The following HIC2 variants were observed in gnomAD, a reference collection of about 807,000 sequenced individuals.
HIC2 encodes the protein hypermethylated in cancer 2 protein.
Under a neutral mutation model 39.5 loss-of-function variants are expected in HIC2, and 2 were observed. That is an observed-to-expected ratio of 0.05 (90% CI 0.02 to 0.16). The LOEUF is 0.16. Ranked by LOEUF, HIC2 falls within the 10% of genes least tolerant of loss-of-function variation. The pLI is 1.00. For synonymous variants in HIC2, 399 were observed against 368.8 expected (o/e 1.08, Z -0.94); for missense variants, 713 against 863.5 (o/e 0.83, Z 2.18).
Position 21,446,359 on chromosome 22 carries a change from C to T in HIC2, c.1464C>T (p.Ala488=), listed in dbSNP as rs775908877. ...GCAGTGGGGGTGCCGAGGAGGAGGCCGAGGACCTGTCAGCACCCAGTGCGG... is the reference window on the plus strand; with the variant it reads ...GCAGTGGGGGTGCCGAGGAGGAGGCTGAGGACCTGTCAGCACCCAGTGCGG... ...ETGSGGAEEE[A]EDLSAPSAAY... The change falls in exon 3 of 3, where the codon GCC becomes GCT. Residue 488 remains alanine (A), a synonymous_variant. Coordinates refer to ENST00000407464, the MANE Select transcript of HIC2 (RefSeq NM_015094.3). 1.4e-5 allele frequency: 23 copies of T among 1,612,682 alleles called. No individual in the cohort carries two copies. The highest frequency in any genetic ancestry group is 1.6e-4 in the Middle Eastern group (1 of 6,080).
At chr22:21,431,879 G>A (rs1318375814) in intron 1 of HIC2, among the ~76,000 whole-genome samples, 5 of 61,822 alleles carry the variant, frequency 8.1e-5, no homozygotes, top group Non-Finnish European at 1.5e-4. Flanking sequence ...CTACTCAAAA[G>A]GCTGAGACGG....
rs753240162 is a variant in HIC2, at chr22:21,451,148, T to C, written c.*4405T>C. On this transcript the variant is annotated 3_prime_UTR_variant, in exon 3 of 3. Transcript: ENST00000407464. The stretch of plus-strand genomic sequence containing the variant: ...TACCTCGAAGGGGAGGGGGGAGGGA[T>C]GGGGTTATAGCTGTTTTGTTTAATT... 3 of 150,912 alleles carry C rather than the reference T, an allele frequency of 2.0e-5. No individual in the cohort carries two copies. Among genetic ancestry groups the C allele is most frequent in the African/African-American group, 4.9e-5 (2 of 41,142 alleles). The allele number at this position is 150,912 out of a possible 1,614,324, so 9.3% of individuals were successfully genotyped here.
chr22:21,426,066 TG>T (rs1367555035), intron 1 of HIC2, among the ~76,000 whole-genome samples: 7 of 152,118 alleles, frequency 4.6e-5, no homozygotes, highest in Non-Finnish European at 8.8e-5. Flanking sequence ...AGGCTGGTCT[TG>T]AACTCCTGAC....
At chr22:21,421,532 C>CTAT (rs1230616573) in intron 1 of HIC2, among the ~76,000 whole-genome samples, 1 of 63,160 alleles carries the variant, frequency 1.6e-5, no homozygotes, top group East Asian at 3.7e-4. Flanking sequence ...CTCCTTCTAA[C>CTAT]TATTCAATTT....
rs772013110 is a variant in HIC2 at position 21,445,692 on chromosome 22, CTCCCGA to C, written c.799_804del (p.Pro267_Asp268del). 1.2e-5 allele frequency: 20 copies of C among 1,611,892 alleles called. No homozygotes were observed. Among genetic ancestry groups the C allele is most frequent in the Non-Finnish European group, 1.6e-5 (19 of 1,179,630 alleles). On this transcript the variant is annotated inframe_deletion, in exon 3 of 3. Coordinates refer to ENST00000407464, the MANE Select transcript of HIC2 (RefSeq NM_015094.3). ...CCTGCCACCCCAGGTCCCCACCTCA[CTCCCGA>C]TGACGCAGCCCAGCTGAGCGACAGC...
rs146552387 is a variant in HIC2 at position 21,444,943 on chromosome 22, C to T, written c.48C>T (p.Arg16=). 106 of 1,612,598 alleles carry T rather than the reference C, an allele frequency of 6.6e-5. 1 individual carries two copies. The African/African-American group carries it at 1.2e-3, about 19-fold the overall frequency. ...LALRWCAWAG[R]GDMGPDMELP... ...ACAGGTGGTGCGCGTGGGCAGGGCGCGGGGACATGGGGCCCGACATGGAGC... is the reference window on the plus strand; with the variant it reads ...ACAGGTGGTGCGCGTGGGCAGGGCGTGGGGACATGGGGCCCGACATGGAGC... Residue 16 remains arginine, a synonymous_variant, in exon 3 of 3, where the codon CGC becomes CGT. Coordinates refer to ENST00000407464, the MANE Select transcript of HIC2 (RefSeq NM_015094.3).
Position 21,450,712 on chromosome 22 carries a change from G to C in HIC2, c.*3969G>C, listed in dbSNP as rs1339861918. 3.9e-5 allele frequency: 6 copies of C among 152,828 alleles called. No individual in the cohort carries two copies. Among genetic ancestry groups the C allele is most frequent in the Non-Finnish European group, 7.3e-5 (5 of 68,092 alleles). The allele number at this position is 152,828 out of a possible 1,614,324, so 9.5% of individuals were successfully genotyped here. ...GAACCCCGTTGGGGCAGATGTTACT[G>C]AACCTGTGAATCAGACGCCAGGAGT... On this transcript the variant is annotated 3_prime_UTR_variant, in exon 3 of 3. Transcript: ENST00000407464.
intron 2 of HIC2, among the ~76,000 whole-genome samples, chr22:21,443,646 C>A (rs1489527000): frequency 1.3e-5 from 2 of 152,160 alleles, no homozygotes; most frequent in Non-Finnish European, 2.9e-5. Flanking sequence ...TTTTCACTGG[C>A]CCCCTGCCCT....
rs138601828 is a variant in HIC2, at chr22:21,445,760, G to T, written c.865G>T (p.Val289Phe). The T allele has an allele frequency of 6.8e-6, 11 of 1,608,746 alleles. No individual in the cohort carries two copies. The highest frequency in any genetic ancestry group is 1.3e-5 in the African/African-American group (1 of 74,972). ...GSPPAASAPP[V>F]ANSASYSELG... ...GCCCCCTGCGGCCTCTGCTCCTCCC[G>T]TTGCCAACAGTGCCTCTTATTCTGA... Residue 289 changes from valine (V) to phenylalanine (F), a missense_variant, in exon 3 of 3, where the codon GTT (valine) becomes TTT (phenylalanine). Physicochemically the swap from Val to Phe is conservative, Grantham distance 50. Coordinates refer to ENST00000407464, the MANE Select transcript of HIC2 (RefSeq NM_015094.3).
In HIC2 at chr22:21,451,420, A is replaced by T. The variant is rs1924191084; in HGVS notation, c.*4677A>T. 6.5e-6 allele frequency: 1 copy of T among 152,750 alleles called. No homozygotes were observed. Among genetic ancestry groups the T allele is most frequent in the Non-Finnish European group, 1.5e-5 (1 of 68,038 alleles). The allele number at this position is 152,750 out of a possible 1,614,324, so 9.5% of individuals were successfully genotyped here. ...GCAGTCTTAAATGTACAGCGATAAG[A>T]AACTGTTATTTTATGATCTTTTCAT... On this transcript the variant is annotated 3_prime_UTR_variant, in exon 3 of 3. Coordinates refer to ENST00000407464, the MANE Select transcript of HIC2 (RefSeq NM_015094.3).
chr22:21,448,919 A>G lies in HIC2; in HGVS notation c.*2176A>G, dbSNP rs1165598267. 1 of 152,780 alleles carries G rather than the reference A, an allele frequency of 6.5e-6. No homozygotes were observed. Among genetic ancestry groups the G allele is most frequent in the Non-Finnish European group, 1.5e-5 (1 of 68,042 alleles). 9.5% of individuals were successfully genotyped at this position (152,780 alleles called of 1,614,324 possible). A position where few individuals can be genotyped will look rare whatever the true frequency, so the allele number is the denominator to read the frequency against. On this transcript the variant is annotated 3_prime_UTR_variant, in exon 3 of 3. Transcript: ENST00000407464. ...CCCATCAGCACTTAAGCCACATGAC[A>G]CAAAGTCTGTACCGCACGGGAAATG... is the stretch of plus-strand genomic sequence containing the variant.
chr22:21,443,626 A>G (rs1042064393), intron 2 of HIC2, among the ~76,000 whole-genome samples: 2 of 152,116 alleles, frequency 1.3e-5, no homozygotes, highest in Non-Finnish European at 2.9e-5. Flanking sequence ...AGCCATGAGG[A>G]AAGTTCATGT....
Position 21,450,285 on chromosome 22 carries a change from C to T in HIC2, c.*3542C>T, listed in dbSNP as rs998872736. The T allele has an allele frequency of 2.6e-5, 4 of 152,768 alleles. No homozygotes were observed. The highest frequency in any genetic ancestry group is 4.4e-5 in the Non-Finnish European group (3 of 68,038). The allele number at this position is 152,768 out of a possible 1,614,324, so 9.5% of individuals were successfully genotyped here. A position where few individuals can be genotyped will look rare whatever the true frequency, so the allele number is the denominator to read the frequency against. On this transcript the variant is annotated 3_prime_UTR_variant, in exon 3 of 3. Coordinates refer to ENST00000407464, the MANE Select transcript of HIC2 (RefSeq NM_015094.3). Reference sequence around the variant, plus strand: ...TAAGCAAATAAGAATCTCAGAGACTCGCAGCATAGCCATACACCTCAGCCT... The same window carrying T: ...TAAGCAAATAAGAATCTCAGAGACTTGCAGCATAGCCATACACCTCAGCCT...
chr22:21,444,827 T>TGA (rs1443145331), intron 2 of HIC2, 95 bp from the exon 3 acceptor site: 1 of 1,409,974 alleles, frequency 7.1e-7, no homozygotes, highest in East Asian at 2.3e-5. Flanking sequence ...GGGTCAGTTC[T>TGA]GAGGCCCTTT....
chr22:21,421,653 A>T (rs114844077), intron 1 of HIC2, among the ~76,000 whole-genome samples: 2,324 of 97,324 alleles, frequency 0.024, 310 homozygotes, highest in African/African-American at 0.062. Context: ...TGGGTCAGCT[A>T]GGTGCCTCTT....
At chr22:21,423,632 TG>T (rs1465073202) in intron 1 of HIC2, among the ~76,000 whole-genome samples, 1 of 152,072 alleles carries the variant, frequency 6.6e-6, no homozygotes, top group East Asian at 1.9e-4. Flanking sequence ...CTCATCATCT[TG>T]TCAGTCCTCG....
At position 21,445,997 on chromosome 22, in the gene HIC2, G is replaced by A. The variant is rs1923801771; in HGVS notation, c.1102G>A (p.Gly368Arg). The A allele has an allele frequency of 6.4e-7, 1 of 1,568,068 alleles. No homozygotes were observed. Among genetic ancestry groups the A allele is most frequent in the African/African-American group, 1.4e-5 (1 of 73,638 alleles). The change falls in exon 3 of 3, where the codon GGG (glycine) becomes AGG (arginine). Residue 368 changes from glycine to arginine, a missense_variant. By Grantham distance (125) the Gly-to-Arg change is moderately radical. Transcript: ENST00000407464. Reference sequence around the variant, plus strand: ...TCCCTGCCCGGGAGAGGAGGGTGAGGGGGTCGGGGACAGGGTTCCCAATGG... The same window carrying A: ...TCCCTGCCCGGGAGAGGAGGGTGAGAGGGTCGGGGACAGGGTTCCCAATGG... ...KGPCPGEEGE[G>R]VGDRVPNGIL...
At chr22:21,443,738 A>G (rs1055706873) in intron 2 of HIC2, among the ~76,000 whole-genome samples, 2 of 152,142 alleles carry the variant, frequency 1.3e-5, no homozygotes, top group African/African-American at 4.8e-5. Context: ...CTGCTGAGCC[A>G]TTCTCTGAGG....
rs1051461714 is a variant in HIC2, at chr22:21,417,379, C to G, written c.-255C>G. ...CGGGCGGCGCCGACGTCACAAGCTTCCAAGATGGCGCTGGGCGGGCGGCTG... is the reference window on the plus strand; with the variant it reads ...CGGGCGGCGCCGACGTCACAAGCTTGCAAGATGGCGCTGGGCGGGCGGCTG... On this transcript the variant is annotated 5_prime_UTR_variant, in exon 1 of 3. Coordinates refer to ENST00000407464, the MANE Select transcript of HIC2 (RefSeq NM_015094.3). 4.7e-5 allele frequency: 7 copies of G among 149,550 alleles called. No individual in the cohort carries two copies. The highest frequency in any genetic ancestry group is 7.5e-5 in the Non-Finnish European group (5 of 66,544). The allele number at this position is 149,550 out of a possible 1,614,324, so 9.3% of individuals were successfully genotyped here.
Sources: gnomAD v4.1 joint callset for allele counts (sites outside exome capture counted in the v4.1 genomes callset) on GRCh38, gnomAD v4.1.1 for gene constraint, MANE v1.5 for transcripts, NCBI Gene and HGNC (gene_info 2026-07-23, HGNC 2026-07-21) for gene names.